Variants in ASCC3 observed in about 807,000 individuals in gnomAD.
The protein encoded by ASCC3 is activating signal cointegrator 1 complex subunit 3, also known as ASC-1 complex subunit P200.
Under a neutral mutation model 256.3 loss-of-function variants are expected in ASCC3, and 158 were observed. The ratio of observed to expected loss-of-function variants is 0.62; its 90% confidence interval spans 0.54 to 0.70. The LOEUF (loss-of-function observed/expected upper bound fraction) is 0.70, where lower values mean the gene tolerates loss of function less well. ASCC3 is among the 30% of genes least tolerant of loss of function. The pLI, the probability that ASCC3 is intolerant of heterozygous loss-of-function variation, is 0.00. For missense variants in ASCC3, 2,259 were observed against 2,626.0 expected (o/e 0.86, Z 3.05); for synonymous variants, 948 against 883.4 (o/e 1.07, Z -1.30).
chr6:100,550,050 T>A (rs1032213629), intron 36 of ASCC3, among the ~76,000 whole-genome samples: 1 of 151,884 alleles, frequency 6.6e-6, no homozygotes, highest in African/African-American at 2.4e-5. Context: ...GTTGGGAACA[T>A]CCATGAGCAG....
At chr6:100,684,973 A>AT (rs1387635606) in intron 13 of ASCC3, among the ~76,000 whole-genome samples, 1 of 151,636 alleles carries the variant, frequency 6.6e-6, no homozygotes, top group East Asian at 2.0e-4. Flanking sequence ...CGCCCGGCTA[A>AT]TTTTTTTGTA....
chr6:100,865,067 T>A (rs1048384850), intron 2 of ASCC3, among the ~76,000 whole-genome samples: 1 of 152,200 alleles, frequency 6.6e-6, no homozygotes, highest in Non-Finnish European at 1.5e-5. Flanking sequence ...CTTCCCTGCC[T>A]CCATTTTTTA....
In ASCC3 at chr6:100,766,638, T is replaced by G. The variant is rs762051917; in HGVS notation, c.1664A>C (p.Glu555Ala). The change falls in exon 10 of 42, where the codon GAG becomes GCG. Residue 555 changes from glutamate (E) to alanine (A), a missense_variant. Physicochemically the swap from Glu to Ala is moderately radical, Grantham distance 107. This residue lies in a region of ASCC3 where 1,839 missense variants were observed against 2,206.7 expected (regional missense o/e 0.83). Coordinates refer to ENST00000369162, the MANE Select transcript of ASCC3 (RefSeq NM_006828.4). ...EMTDYFSRRL[E>A]PLGIIVKELT... ...TTCTTTCACAATGATGCCTAGTGGC[T>G]CTAGACGTCTGCTGAAGTAATCTGT... is the stretch of plus-strand genomic sequence containing the variant. The G allele has an allele frequency of 1.2e-5, 19 of 1,613,920 alleles. No individual in the cohort carries two copies. Among genetic ancestry groups the G allele is most frequent in the Non-Finnish European group, 1.4e-5 (17 of 1,179,936 alleles).
intron 13 of ASCC3, among the ~76,000 whole-genome samples, chr6:100,702,117 GA>G (rs141672201): frequency 0.014 from 2,186 of 152,262 alleles, 32 homozygotes; most frequent in Non-Finnish European, 0.02. Flanking sequence ...CAATAAGAGG[GA>G]CAGAATGAAG....
intron 30 of ASCC3, among the ~76,000 whole-genome samples, chr6:100,613,474 A>G (rs1163534345): frequency 6.6e-6 from 1 of 152,092 alleles, no homozygotes; most frequent in Non-Finnish European, 1.5e-5. Context: ...TGCAAAAGAC[A>G]TGATTTCATT....
intron 11 of ASCC3, among the ~76,000 whole-genome samples, chr6:100,723,658 G>A (rs1008836496): frequency 1.3e-4 from 20 of 150,994 alleles, no homozygotes; most frequent in African/African-American, 4.6e-4. Flanking sequence ...TATTGGGATG[G>A]AAGAAAGTAT....
intron 10 of ASCC3, among the ~76,000 whole-genome samples, chr6:100,753,086 C>T (rs1269348492): frequency 6.6e-6 from 1 of 151,944 alleles, no homozygotes; most frequent in African/African-American, 2.4e-5. Flanking sequence ...TTCTTATAAG[C>T]ACCACACTCT....
chr6:100,516,127 G>A (rs1774013837), intron 39 of ASCC3, 53 bp downstream of exon 39: 8 of 1,611,104 alleles, frequency 5.0e-6, no homozygotes, highest in Non-Finnish European at 6.8e-6. Context: ...AAAACTCTTG[G>A]TACACCTTCT....
Position 100,627,829 on chromosome 6 carries a change from A to G in ASCC3, c.4521+13T>C, listed in dbSNP as rs1201428510. On this transcript the variant is annotated intron_variant, in intron 28 of 41. Coordinates refer to ENST00000369162, the MANE Select transcript of ASCC3 (RefSeq NM_006828.4). ...TACTAAATAAATGCATAATTTATCAATCTTCTACATACCTGCTTAATATTG... is the reference window on the plus strand; with the variant it reads ...TACTAAATAAATGCATAATTTATCAGTCTTCTACATACCTGCTTAATATTG... 4.3e-6 allele frequency: 7 copies of G among 1,613,430 alleles called. No individual in the cohort carries two copies. The highest frequency in any genetic ancestry group is 4.0e-5 in the African/African-American group (3 of 74,912).
chr6:100,774,187 T>C (rs1782069608), intron 8 of ASCC3, among the ~76,000 whole-genome samples: 1 of 152,192 alleles, frequency 6.6e-6, no homozygotes, highest in South Asian at 2.1e-4. Flanking sequence ...AGATAGCGTC[T>C]TGCTCTGTTG....
chr6:100,674,540 T>TA (rs1451929344), intron 14 of ASCC3, among the ~76,000 whole-genome samples: 1 of 152,124 alleles, frequency 6.6e-6, no homozygotes, highest in African/African-American at 2.4e-5. Context: ...TTTAAACTGT[T>TA]ATCTTCTTTC....
intron 37 of ASCC3, among the ~76,000 whole-genome samples, chr6:100,527,032 G>GA (rs1359954597): frequency 6.6e-6 from 1 of 151,934 alleles, no homozygotes; most frequent in Non-Finnish European, 1.5e-5. Flanking sequence ...GAACTAAAAA[G>GA]AAAAAAGTGA....
chr6:100,561,981 T>C (rs548065325), intron 36 of ASCC3, among the ~76,000 whole-genome samples: 1 of 152,214 alleles, frequency 6.6e-6, no homozygotes, highest in Non-Finnish European at 1.5e-5. Context: ...GAATAGAACA[T>C]AAGAAAGCAT....
In ASCC3 at chr6:100,725,552, C is replaced by T. The variant is rs1779580283; in HGVS notation, c.1889G>A (p.Arg630His). ...RGPVLESIVA[R>H]TLRQVESTQS... ...ACTTCCTCTTACCTGCCGTAAAGTA[C>T]GGGCAACTATGCTTTCTAATACTGG... is the stretch of plus-strand genomic sequence containing the variant. Residue 630 changes from arginine to histidine, a missense_variant, in exon 11 of 42, where the codon CGT becomes CAT. Physicochemically the swap from Arg to His is conservative, Grantham distance 29. This residue lies in a region of ASCC3 where 1,839 missense variants were observed against 2,206.7 expected (regional missense o/e 0.83). Transcript: ENST00000369162. 1.9e-6 allele frequency: 3 copies of T among 1,612,274 alleles called. No individual in the cohort carries two copies. The highest frequency in any genetic ancestry group is 2.5e-6 in the Non-Finnish European group (3 of 1,178,784).
chr6:100,710,860 T>G (rs1444449685), intron 13 of ASCC3, among the ~76,000 whole-genome samples: 1 of 152,140 alleles, frequency 6.6e-6, no homozygotes, highest in Non-Finnish European at 1.5e-5. Context: ...CAAATACGTT[T>G]CAATAATAAT....
chr6:100,642,651 C>T lies in ASCC3; in HGVS notation c.3831G>A (p.Leu1277=). The T allele has an allele frequency of 6.2e-7, 1 of 1,613,972 alleles. No individual in the cohort carries two copies. Among genetic ancestry groups the T allele is most frequent in the Non-Finnish European group, 8.5e-7 (1 of 1,179,894 alleles). Residue 1277 remains leucine, a synonymous_variant, in exon 24 of 42, where the codon TTG becomes TTA. Transcript: ENST00000369162. ...TGATAATACATACTGCCTCAGCACCCAACCATCTATCAGACACTGCTCGGA... is the reference window on the plus strand; with the variant it reads ...TGATAATACATACTGCCTCAGCACCTAACCATCTATCAGACACTGCTCGGA... ...YYIRAVSDRW[L]GAEAVCIINF... is the part of the protein sequence containing the mutation.
At chr6:100,806,777 G>T (rs1770204945) in intron 4 of ASCC3, among the ~76,000 whole-genome samples, 1 of 151,440 alleles carries the variant, frequency 6.6e-6, no homozygotes, top group Non-Finnish European at 1.5e-5. Context: ...GCACACAAAG[G>T]GACAACAAAA....
At chr6:100,765,738 T>A (rs1032937763) in intron 10 of ASCC3, among the ~76,000 whole-genome samples, 7 of 152,206 alleles carry the variant, frequency 4.6e-5, no homozygotes, top group African/African-American at 1.7e-4. Flanking sequence ...CTTTCAAAAT[T>A]GATTGAGACC....
At chr6:100,709,444 T>C (rs1582735465) in intron 13 of ASCC3, among the ~76,000 whole-genome samples, 1 of 152,172 alleles carries the variant, frequency 6.6e-6, no homozygotes, top group East Asian at 1.9e-4. Flanking sequence ...TAAGTACTGG[T>C]GCCTCTCTTA....
Sources: allele counts gnomAD v4.1 joint callset (sites outside exome capture counted in the v4.1 genomes callset), GRCh38; gene constraint gnomAD v4.1.1; regional missense constraint gnomAD v4.1.1; transcripts MANE v1.5; gene names NCBI Gene and HGNC (gene_info 2026-07-23, HGNC 2026-07-21).